Variants in GPR83 observed in about 807,000 individuals in gnomAD.
GPR83 encodes the protein G protein-coupled receptor 83.
In GPR83, 23 loss-of-function variants were observed where a neutral mutation model predicts 28.0. The observed-to-expected ratio is 0.82, with a 90% CI of 0.59 to 1.16. The LOEUF is 1.16. Among genes scored for constraint, GPR83 ranks in the 50% most tolerant of loss-of-function variants. The pLI is 0.00. For missense variants in GPR83, 610 were observed against 536.6 expected, an observed-to-expected ratio of 1.14 and a Z score of -1.35; for synonymous variants, 234 against 215.4, an observed-to-expected ratio of 1.09 and a Z score of -0.76.
chr11:94,380,819 A>T (rs1370732277), intron 3 of GPR83, 46 bp from the exon 4 acceptor site: 6 of 1,534,210 alleles, frequency 3.9e-6, no homozygotes, highest in Non-Finnish European at 5.3e-6. Context: ...CAGAAAGGAG[A>T]TATTAGTGTG....
chr11:94,384,380 AG>A (rs1325726053), intron 3 of GPR83, among the ~76,000 whole-genome samples: 1 of 152,210 alleles, frequency 6.6e-6, no homozygotes, highest in East Asian at 1.9e-4. Context: ...ATGGCCGAAT[AG>A]GAACAGCTCC....
chr11:94,384,105 A>T (rs1944721856), intron 3 of GPR83, among the ~76,000 whole-genome samples: 2 of 152,228 alleles, frequency 1.3e-5, no homozygotes, highest in South Asian at 4.1e-4. Flanking sequence ...TGGCAAACTG[A>T]ATCCAGTAGC....
At chr11:94,390,522 G>T (rs1006289691) in intron 3 of GPR83, among the ~76,000 whole-genome samples, 3 of 152,112 alleles carry the variant, frequency 2.0e-5, no homozygotes, top group African/African-American at 4.8e-5. Context: ...GGGAAGAGAG[G>T]AAGTCAAATT....
In GPR83 at chr11:94,380,033, C is replaced by A; in HGVS notation, c.*116G>T. 1.2e-6 allele frequency: 1 copy of A among 823,304 alleles called. No individual in the cohort carries two copies. Among genetic ancestry groups the A allele is most frequent in the Non-Finnish European group, 1.8e-6 (1 of 553,560 alleles). 51.0% of individuals were successfully genotyped at this position (823,304 alleles called of 1,614,324 possible). On this transcript the variant is annotated 3_prime_UTR_variant, in exon 4 of 4. Coordinates refer to ENST00000243673, the MANE Select transcript of GPR83 (RefSeq NM_016540.4). Reference sequence around the variant, plus strand: ...ACAGTTTCCTAGGAATTCAAGAGTCCTACAGCTTCTGCAGGAGTGTGTTTC... The same window carrying A: ...ACAGTTTCCTAGGAATTCAAGAGTCATACAGCTTCTGCAGGAGTGTGTTTC...
chr11:94,390,920 T>C (rs1317885054), intron 3 of GPR83, among the ~76,000 whole-genome samples: 2 of 152,220 alleles, frequency 1.3e-5, no homozygotes, highest in Non-Finnish European at 2.9e-5. Flanking sequence ...ATAGGTTCAA[T>C]GCTATCCCCA....
intron 3 of GPR83, among the ~76,000 whole-genome samples, chr11:94,393,076 G>T (rs1944832702): frequency 6.6e-6 from 1 of 152,204 alleles, no homozygotes; most frequent in Admixed American, 6.5e-5. Context: ...GTAGGTGGGG[G>T]AGGTAGAGAA....
chr11:94,401,257 G>C lies in GPR83; in HGVS notation c.-10C>G. 2 of 1,586,884 alleles carry C rather than the reference G, an allele frequency of 1.3e-6. No homozygotes were observed. Among genetic ancestry groups the C allele is most frequent in the South Asian group, 1.1e-5 (1 of 88,136 alleles). ...AGAGGTGAGGGACCATTTTGCAGGA[G>C]CCACCCCTCCCCTGGGAGCCTGCGG... On this transcript the variant is annotated 5_prime_UTR_variant, in exon 1 of 4. Transcript: ENST00000243673.
Position 94,380,443 on chromosome 11 carries a change from G to T in GPR83, c.978C>A (p.Leu326=), listed in dbSNP as rs1238294030. ...SSKVIRTNNA[L]YFAFHWFAMS... Reference sequence around the variant, plus strand: ...TGGCAAACCAGTGGAAGGCAAAGTAGAGGGCATTGTTGGTGCGGATGACCT... The same window carrying T: ...TGGCAAACCAGTGGAAGGCAAAGTATAGGGCATTGTTGGTGCGGATGACCT... The change falls in exon 4 of 4, where the codon CTC becomes CTA. Residue 326 remains leucine (L), a synonymous_variant. Transcript: ENST00000243673. The T allele has an allele frequency of 6.2e-7, 1 of 1,614,112 alleles. No individual in the cohort carries two copies. Among genetic ancestry groups the T allele is most frequent in the East Asian group, 2.2e-5 (1 of 44,890 alleles).
rs753547935 is a variant in GPR83 at position 94,380,228 on chromosome 11, T to C, written c.1193A>G (p.Asn398Ser). ...KNDGQRAPLA[N>S]NLLPTSQLQS... Reference sequence around the variant, plus strand: ...GAGTTGGGAGGTGGGCAGGAGGTTATTGGCAAGGGGAGCCCTCTGGCCATC... The same window carrying C: ...GAGTTGGGAGGTGGGCAGGAGGTTACTGGCAAGGGGAGCCCTCTGGCCATC... Residue 398 changes from asparagine to serine, a missense_variant, in exon 4 of 4, where the codon AAT (asparagine) becomes AGT (serine). Asn to Ser is a conservative substitution (Grantham distance 46). Transcript: ENST00000243673. 13 of 1,524,568 alleles carry C rather than the reference T, an allele frequency of 8.5e-6. No homozygotes were observed. Among genetic ancestry groups the C allele is most frequent in the African/African-American group, 1.4e-5 (1 of 71,844 alleles). The allele number at this position is 1,524,568 out of a possible 1,614,324, so 94.4% of individuals were successfully genotyped here. A position where few individuals can be genotyped will look rare whatever the true frequency, so the allele number is the denominator to read the frequency against.
At chr11:94,388,881 A>G (rs1944785872) in intron 3 of GPR83, among the ~76,000 whole-genome samples, 1 of 152,242 alleles carries the variant, frequency 6.6e-6, no homozygotes, top group Non-Finnish European at 1.5e-5. Flanking sequence ...TCCTAAGGCA[A>G]AAGAACAAAG....
At position 94,380,283 on chromosome 11, in the gene GPR83, A is replaced by C; in HGVS notation, c.1138T>G (p.Ser380Ala). ...QEDRPPSPVP[S>A]FRVAWTEKND... ...TTCTCTGTCCAGGCCACCCTGAAGGAAGGAACTGGGGAGGGTGGCCTGTCC... is the reference window on the plus strand; with the variant it reads ...TTCTCTGTCCAGGCCACCCTGAAGGCAGGAACTGGGGAGGGTGGCCTGTCC... Residue 380 changes from serine to alanine, a missense_variant, in exon 4 of 4, where the codon TCC (serine) becomes GCC (alanine). Physicochemically the swap from Ser to Ala is moderately conservative, Grantham distance 99. Transcript: ENST00000243673. The C allele has an allele frequency of 6.3e-7, 1 of 1,585,700 alleles. No homozygotes were observed.
intron 3 of GPR83, among the ~76,000 whole-genome samples, chr11:94,388,814 A>G (rs1944784862): frequency 6.6e-6 from 1 of 152,200 alleles, no homozygotes; most frequent in African/African-American, 2.4e-5. Flanking sequence ...ACAGAATTGG[A>G]GAAAACTACT....
In GPR83 at chr11:94,401,181, G is replaced by T; in HGVS notation, c.67C>A (p.Arg23=). The T allele has an allele frequency of 6.2e-7, 1 of 1,613,604 alleles. No homozygotes were observed. Among genetic ancestry groups the T allele is most frequent in the Non-Finnish European group, 8.5e-7 (1 of 1,179,774 alleles). ...GCCTCCGCGCTCTGCTCGTCGGCCC[G>T]GCCCTCGTGGGGCTCGGTGGCTCGC... ...LVRATEPHEG[R]ADEQSAEAAL... Residue 23 remains arginine (R), a synonymous_variant, in exon 1 of 4, where the codon CGG becomes AGG. Transcript: ENST00000243673.
chr11:94,395,319 C>T (rs919968147), intron 2 of GPR83, among the ~76,000 whole-genome samples: 3 of 152,192 alleles, frequency 2.0e-5, no homozygotes, highest in African/African-American at 4.8e-5. Flanking sequence ...TCTTTGAAGC[C>T]TCCTATCCCG....
rs763066807 is a variant in GPR83, at chr11:94,393,497, G to A, written c.635C>T (p.Thr212Ile). Reference sequence around the variant, plus strand: ...GAATTCATCTCACCTGTATTTGAAGGTAAATAATTTCTGGCAGATAGCATG... The same window carrying A: ...GAATTCATCTCACCTGTATTTGAAGATAAATAATTTCTGGCAGATAGCATG... ...LPHAICQKLF[T>I]FKYSEDIVRS... Residue 212 changes from threonine to isoleucine, a missense_variant, in exon 3 of 4, where the codon ACC (threonine) becomes ATC (isoleucine). Physicochemically the swap from Thr to Ile is moderately conservative, Grantham distance 89 (BLOSUM62 -1). Coordinates refer to ENST00000243673, the MANE Select transcript of GPR83 (RefSeq NM_016540.4). The A allele has an allele frequency of 6.2e-7, 1 of 1,614,068 alleles. No homozygotes were observed. The highest frequency in any genetic ancestry group is 8.5e-7 in the Non-Finnish European group (1 of 1,179,940).
At chr11:94,385,455 G>T (rs1403787813) in intron 3 of GPR83, among the ~76,000 whole-genome samples, 2 of 152,122 alleles carry the variant, frequency 1.3e-5, no homozygotes, top group South Asian at 2.1e-4. Flanking sequence ...CTTGAAAAAA[G>T]ATTAGACTAA....
At chr11:94,395,400 T>C (rs1484281382) in intron 2 of GPR83, among the ~76,000 whole-genome samples, 1 of 152,204 alleles carries the variant, frequency 6.6e-6, no homozygotes, top group Non-Finnish European at 1.5e-5. Context: ...GCCCTCATAA[T>C]ACTGGCCTTG....
chr11:94,381,907 C>T lies in GPR83; in HGVS notation c.648-1134G>A, dbSNP rs76710741. ...CTCCTGTGGGGCAGGGGCAGCTTCC[C>T]CTGAAATCATACCCTTCCTTAGTCT... On this transcript the variant is annotated intron_variant, in intron 3 of 3. Coordinates refer to ENST00000243673, the MANE Select transcript of GPR83 (RefSeq NM_016540.4). Among the ~76,000 whole-genome samples the T allele has an allele frequency of 7.0e-3, 1,072 of 152,266 alleles. 16 individuals carry two copies. The highest frequency in any genetic ancestry group is 0.051 in the South Asian group (246 of 4,824).
intron 2 of GPR83, among the ~76,000 whole-genome samples, chr11:94,394,200 T>C (rs1444682072): frequency 6.6e-6 from 1 of 152,156 alleles, no homozygotes; most frequent in African/African-American, 2.4e-5. Flanking sequence ...TTCCCATGAT[T>C]CTAGACCCCT....
Sources: allele counts gnomAD v4.1 joint callset (sites outside exome capture counted in the v4.1 genomes callset), GRCh38; gene constraint gnomAD v4.1.1; transcripts MANE v1.5; gene names NCBI Gene and HGNC (gene_info 2026-07-23, HGNC 2026-07-21).